DOCK4: variants seen among roughly 807,000 people sequenced by gnomAD.
DOCK4 encodes dedicator of cytokinesis 4, also known as dedicator of cytokinesis protein 4.
A neutral mutation model predicts 268.1 loss-of-function variants in DOCK4; 97 were observed. The observed-to-expected ratio is 0.36, with a 90% CI of 0.31 to 0.43. DOCK4 has a LOEUF of 0.43. Ranked by LOEUF, DOCK4 falls within the 20% of genes least tolerant of loss-of-function variation. DOCK4 has a pLI of 1.00. For synonymous variants in DOCK4, 954 were observed against 887.2 expected, an observed-to-expected ratio of 1.08 and a Z score of -1.34; for missense variants, 2,145 against 2,455.7, an observed-to-expected ratio of 0.87 and a Z score of 2.67.
chr7:112,078,221 C>A (rs934344886), intron 1 of DOCK4, among the ~76,000 whole-genome samples: 9 of 152,148 alleles, frequency 5.9e-5, no homozygotes, highest in Non-Finnish European at 1.3e-4. Context: ...AATTAGTTTA[C>A]ATCTAAATCT....
chr7:111,822,329 G>A (rs1366041693), intron 27 of DOCK4, 33 bp downstream of exon 27: 1 of 1,553,894 alleles, frequency 6.4e-7, no homozygotes, highest in Admixed American at 1.7e-5. Context: ...TCTATACATT[G>A]AGCTGCAATT....
intron 1 of DOCK4, among the ~76,000 whole-genome samples, chr7:112,017,194 C>T (rs1801884084): frequency 6.6e-6 from 1 of 152,150 alleles, no homozygotes; most frequent in Non-Finnish European, 1.5e-5. Flanking sequence ...GAAGCTATCA[C>T]AAGTTATTAA....
chr7:112,002,363 A>G (rs1800495630), intron 2 of DOCK4, among the ~76,000 whole-genome samples: 1 of 152,222 alleles, frequency 6.6e-6, no homozygotes, highest in Non-Finnish European at 1.5e-5. Flanking sequence ...ATTATACTAT[A>G]CAGAAAAAGT....
intron 26 of DOCK4, among the ~76,000 whole-genome samples, chr7:111,824,402 A>T (rs1362214869): frequency 1.3e-5 from 2 of 152,102 alleles, no homozygotes; most frequent in African/African-American, 2.4e-5. Context: ...ATTTGCTTAG[A>T]TAGATGTGAA....
chr7:111,956,557 G>C (rs1455876516), intron 8 of DOCK4, among the ~76,000 whole-genome samples: 1 of 152,184 alleles, frequency 6.6e-6, no homozygotes, highest in Non-Finnish European at 1.5e-5. Flanking sequence ...CCTAAGCAGA[G>C]AGCTACAGAT....
At chr7:112,000,461 T>G in intron 3 of DOCK4, 33 bp downstream of exon 3, 1 of 1,240,068 alleles carries the variant, frequency 8.1e-7, no homozygotes, top group South Asian at 1.5e-5. Flanking sequence ...CTTAATAAAT[T>G]TCATAATTAT....
intron 39 of DOCK4, among the ~76,000 whole-genome samples, chr7:111,764,563 A>AT (rs1331916556): frequency 1.3e-5 from 2 of 152,228 alleles, no homozygotes; most frequent in Non-Finnish European, 2.9e-5. Context: ...AATGAAAAGA[A>AT]TGGAGTTGAA....
intron 41 of DOCK4, among the ~76,000 whole-genome samples, 173 bp downstream of exon 41, chr7:111,758,451 C>T (rs1484444620): frequency 6.6e-6 from 1 of 152,170 alleles, no homozygotes; most frequent in African/African-American, 2.4e-5. Context: ...AGGGAGCACT[C>T]CATGTCACTC....
At chr7:112,193,679 G>C (rs758402465) in intron 1 of DOCK4, among the ~76,000 whole-genome samples, 2 of 151,576 alleles carry the variant, frequency 1.3e-5, no homozygotes, top group Non-Finnish European at 2.9e-5. Flanking sequence ...TCAAATCACA[G>C]AGAGAGCCAA....
chr7:111,926,438 C>CAG (rs71524824), intron 12 of DOCK4, among the ~76,000 whole-genome samples: 3,472 of 62,602 alleles, frequency 0.055, 87 homozygotes, highest in Middle Eastern at 0.087. Context: ...AAAAGAAAGA[C>CAG]AGAGAGAGAG....
At chr7:111,778,181 G>T in intron 36 of DOCK4, 95 bp downstream of exon 36, 1 of 787,576 alleles carries the variant, frequency 1.3e-6, no homozygotes, top group Non-Finnish European at 2.1e-6. Context: ...AAGTAGAAAT[G>T]CTTGAGTCTT....
chr7:111,927,636 A>G (rs1793832984), intron 12 of DOCK4, among the ~76,000 whole-genome samples: 1 of 152,202 alleles, frequency 6.6e-6, no homozygotes, highest in African/African-American at 2.4e-5. Context: ...GGTTTTTTAA[A>G]CAGGCTTTGT....
chr7:111,775,930 G>C (rs189071441), intron 36 of DOCK4, among the ~76,000 whole-genome samples: 1 of 152,276 alleles, frequency 6.6e-6, no homozygotes, highest in Admixed American at 6.5e-5. Context: ...AGGAAGAATG[G>C]GGAGGATCAC....
intron 32 of DOCK4, among the ~76,000 whole-genome samples, chr7:111,786,269 C>G (rs1799157145): frequency 6.6e-6 from 1 of 152,128 alleles, no homozygotes; most frequent in Non-Finnish European, 1.5e-5. Flanking sequence ...TTAGAGCCCC[C>G]AAGACTGTAG....
intron 30 of DOCK4, among the ~76,000 whole-genome samples, chr7:111,802,070 A>G (rs1563524873): frequency 6.6e-6 from 1 of 152,046 alleles, no homozygotes; most frequent in Non-Finnish European, 1.5e-5. Flanking sequence ...TATTTTCCTC[A>G]TTCTATCAAC....
At chr7:112,109,903 C>T (rs771607536) in intron 1 of DOCK4, among the ~76,000 whole-genome samples, 46 of 149,618 alleles carry the variant, frequency 3.1e-4, no homozygotes, top group Non-Finnish European at 6.0e-4. Context: ...CGCCATCACG[C>T]CCGGCTAATT....
chr7:111,988,513 A>C (rs1449871658), intron 6 of DOCK4, among the ~76,000 whole-genome samples: 1 of 152,202 alleles, frequency 6.6e-6, no homozygotes, highest in East Asian at 1.9e-4. Flanking sequence ...TCCTCAAAGT[A>C]GCTAATGTGT....
At chr7:112,034,345 C>T (rs949434534) in intron 1 of DOCK4, among the ~76,000 whole-genome samples, 3 of 152,150 alleles carry the variant, frequency 2.0e-5, no homozygotes, top group African/African-American at 4.8e-5. Flanking sequence ...TCTAGCATGG[C>T]TCTGAATCTG....
intron 12 of DOCK4, among the ~76,000 whole-genome samples, chr7:111,928,320 A>G (rs921079665): frequency 1.3e-5 from 2 of 152,298 alleles, no homozygotes; most frequent in African/African-American, 4.8e-5. Flanking sequence ...AATCTTGCAA[A>G]CAGTATTGCT....
Sources: gnomAD v4.1 joint callset for allele counts (sites outside exome capture counted in the v4.1 genomes callset) on GRCh38, gnomAD v4.1.1 for gene constraint, MANE v1.5 for transcripts, NCBI Gene and HGNC (gene_info 2026-07-23, HGNC 2026-07-21) for gene names.